The following NELL1 variants were observed in gnomAD, a reference collection of about 807,000 sequenced individuals.
NELL1 encodes the protein protein kinase C-binding protein NELL1.
NELL1 carries 76 observed loss-of-function variants against 107.4 expected under a neutral mutation model. The observed-to-expected ratio is 0.71, with a 90% CI of 0.59 to 0.86. The LOEUF is 0.86. Ranked by LOEUF, NELL1 falls within the 40% of genes least tolerant of loss-of-function variation. The pLI is 0.00. For synonymous variants in NELL1, 353 were observed against 341.2 expected, an observed-to-expected ratio of 1.03 and a Z score of -0.38; for missense variants, 1,024 against 1,005.5, an observed-to-expected ratio of 1.02 and a Z score of -0.25.
intron 6 of NELL1, 132 bp from the exon 7 acceptor site, chr11:20,919,120 C>A: frequency 2.2e-6 from 1 of 447,128 alleles, no homozygotes. Flanking sequence ...TGATTTCACT[C>A]AAATTTCAAA....
At chr11:20,768,789 C>T (rs1412487870) in intron 2 of NELL1, among the ~76,000 whole-genome samples, 2 of 152,172 alleles carry the variant, frequency 1.3e-5, no homozygotes, top group African/African-American at 4.8e-5. Flanking sequence ...GGCAAGGAAA[C>T]AGTCTCCCCT....
chr11:20,945,544 T>C (rs779729087), intron 10 of NELL1, among the ~76,000 whole-genome samples: 10 of 152,190 alleles, frequency 6.6e-5, no homozygotes, highest in Non-Finnish European at 1.5e-4. Flanking sequence ...GATTCAACAG[T>C]GTCAGCCACT....
chr11:21,347,325 G>A (rs12296077), intron 14 of NELL1, among the ~76,000 whole-genome samples: 56,455 of 152,036 alleles, frequency 0.37, 10,522 homozygotes, highest in East Asian at 0.44. Context: ...TAACGGGGCT[G>A]GTCTTGGTGG....
intron 14 of NELL1, among the ~76,000 whole-genome samples, chr11:21,358,659 C>T (rs192782234): frequency 8.7e-4 from 129 of 148,674 alleles, no homozygotes; most frequent in African/African-American, 2.9e-3. Context: ...TCGGGTGATC[C>T]GCCTGCCTCA....
chr11:20,849,152 C>T (rs1484003034), intron 4 of NELL1, among the ~76,000 whole-genome samples: 1 of 152,196 alleles, frequency 6.6e-6, no homozygotes, highest in African/African-American at 2.4e-5. Flanking sequence ...CACCCACATG[C>T]TGTCTAAATG....
intron 14 of NELL1, among the ~76,000 whole-genome samples, chr11:21,249,101 A>AT (rs1402458177): frequency 6.6e-6 from 1 of 152,142 alleles, no homozygotes; most frequent in African/African-American, 2.4e-5. Context: ...AGTTTCTGTC[A>AT]TTTTTTAACA....
intron 12 of NELL1, among the ~76,000 whole-genome samples, chr11:21,099,524 G>C (rs965779444): frequency 6.6e-6 from 1 of 152,140 alleles, no homozygotes; most frequent in Non-Finnish European, 1.5e-5. Flanking sequence ...GGTCCCCAAG[G>C]CTGGCTAGCA....
chr11:21,088,785 G>T (rs1031389891), intron 12 of NELL1, among the ~76,000 whole-genome samples: 17 of 152,130 alleles, frequency 1.1e-4, no homozygotes, highest in Non-Finnish European at 2.5e-4. Flanking sequence ...TGAAACATAG[G>T]TAGAGTGAGA....
chr11:20,826,482 A>G (rs1260571968), intron 3 of NELL1, among the ~76,000 whole-genome samples: 1 of 151,268 alleles, frequency 6.6e-6, no homozygotes, highest in East Asian at 1.9e-4. Flanking sequence ...CGTGTGCTTC[A>G]CTAAGATTCA....
intron 13 of NELL1, among the ~76,000 whole-genome samples, chr11:21,227,120 C>G (rs1857914461): frequency 1.3e-5 from 2 of 152,186 alleles, no homozygotes; most frequent in African/African-American, 4.8e-5. Flanking sequence ...ATTGAGAAAC[C>G]TTGATCATTT....
intron 1 of NELL1, among the ~76,000 whole-genome samples, chr11:20,677,687 G>A (rs118158463): frequency 0.02 from 2,973 of 152,186 alleles, 54 homozygotes; most frequent in Non-Finnish European, 0.031. Context: ...TTTAACCCCA[G>A]GAGTTTTGGA....
intron 3 of NELL1, among the ~76,000 whole-genome samples, chr11:20,797,860 A>C (rs952472275): frequency 1.6e-4 from 25 of 152,170 alleles, no homozygotes; most frequent in African/African-American, 6.0e-4. Context: ...CATATGGCCA[A>C]TTCTTTGCAT....
chr11:20,720,680 T>C (rs540357440), intron 2 of NELL1, among the ~76,000 whole-genome samples: 3 of 152,180 alleles, frequency 2.0e-5, no homozygotes, highest in Non-Finnish European at 4.4e-5. Flanking sequence ...GGGTCTGTTA[T>C]GGGGCTCTCT....
chr11:20,824,297 C>G (rs1857825184), intron 3 of NELL1, among the ~76,000 whole-genome samples: 1 of 151,302 alleles, frequency 6.6e-6, no homozygotes, highest in African/African-American at 2.4e-5. Flanking sequence ...TAAACCTCTT[C>G]CCTTTATAAA....
intron 14 of NELL1, among the ~76,000 whole-genome samples, chr11:21,265,658 T>C (rs1471133739): frequency 1.3e-5 from 2 of 152,046 alleles, no homozygotes; most frequent in Non-Finnish European, 2.9e-5. Context: ...TTGAAGAGTA[T>C]GTGTGTCTGT....
chr11:21,342,660 A>G (rs1200292505), intron 14 of NELL1, among the ~76,000 whole-genome samples: 2 of 142,482 alleles, frequency 1.4e-5, no homozygotes, highest in Non-Finnish European at 3.1e-5. Flanking sequence ...AAAAAAAAAG[A>G]AAAAGAAAAA....
At chr11:20,818,975 A>G (rs983781515) in intron 3 of NELL1, among the ~76,000 whole-genome samples, 1 of 152,220 alleles carries the variant, frequency 6.6e-6, no homozygotes, top group Non-Finnish European at 1.5e-5. Flanking sequence ...AAACTGAAGC[A>G]CAGATTGTTG....
chr11:21,512,596 G>C (rs184518421), intron 15 of NELL1, among the ~76,000 whole-genome samples: 3 of 152,048 alleles, frequency 2.0e-5, no homozygotes, highest in Non-Finnish European at 2.9e-5. Flanking sequence ...GTAAGAAAGG[G>C]GGAAATGAAA....
chr11:20,999,003 G>C lies in NELL1; in HGVS notation c.1300+38443G>C, dbSNP rs537514756. ...ATGCAACTTGGACAAAATTAAATGA[G>C]AGTTCTATCACACATTTGGCTAAGT... On this transcript the variant is annotated intron_variant, in intron 12 of 19. Coordinates refer to ENST00000357134, the MANE Select transcript of NELL1 (RefSeq NM_006157.5). 5.2e-4 allele frequency among the ~76,000 whole-genome samples: 79 copies of C among 152,272 alleles called. 1 individual carries two copies. The South Asian group carries it at 8.5e-3, about 16-fold the overall frequency.
Sources: allele counts gnomAD v4.1 joint callset (sites outside exome capture counted in the v4.1 genomes callset), GRCh38; gene constraint gnomAD v4.1.1; transcripts MANE v1.5; gene names NCBI Gene and HGNC (gene_info 2026-07-23, HGNC 2026-07-21).